GGNBP2: variants seen among roughly 807,000 people sequenced by gnomAD.
GGNBP2 encodes the protein gametogenetin-binding protein 2.
GGNBP2 carries 10 observed loss-of-function variants against 85.9 expected under a neutral mutation model. The ratio of observed to expected loss-of-function variants is 0.12; its 90% CI spans 0.07 to 0.20. The LOEUF (loss-of-function observed/expected upper bound fraction) is 0.20, where lower values mean the gene tolerates loss of function less well. Ranked by LOEUF, GGNBP2 falls within the 10% of genes least tolerant of loss-of-function variation. The pLI, the probability that GGNBP2 is intolerant of heterozygous loss-of-function variation, is 1.00. For synonymous variants in GGNBP2, 287 were observed against 285.7 expected (o/e 1.00, Z -0.05); for missense variants, 595 against 857.8 (o/e 0.69, Z 3.83).
intron 6 of GGNBP2, chr17:36,574,771 A>C: frequency 1.6e-6 from 1 of 642,558 alleles, no homozygotes; most frequent in Non-Finnish European, 2.8e-6. Context: ...GCACCAGCAC[A>C]GAGCCGTGGT....
At chr17:36,588,604 AT>A (rs751567731) in intron 13 of GGNBP2, among the ~76,000 whole-genome samples, 25 of 144,850 alleles carry the variant, frequency 1.7e-4, no homozygotes, top group East Asian at 4.1e-4. Context: ...ATATTTATTT[AT>A]TTTTTTTTTT....
chr17:36,581,555 T>C lies in GGNBP2; in HGVS notation c.1215+17T>C, dbSNP rs1392714759. ...CAAGAGAAGGTAATATTTCTTAATA[T>C]CAACTCTTAAGTGTGTATGTATTGC... On this transcript the variant is annotated intron_variant, in intron 9 of 13. Transcript: ENST00000613102. 6.4e-7 allele frequency: 1 copy of C among 1,572,040 alleles called. No individual in the cohort carries two copies. The highest frequency in any genetic ancestry group is 8.7e-7 in the Non-Finnish European group (1 of 1,146,176).
At chr17:36,570,068 A>G (rs769440771) in intron 6 of GGNBP2, among the ~76,000 whole-genome samples, 3 of 152,144 alleles carry the variant, frequency 2.0e-5, no homozygotes, top group Non-Finnish European at 2.9e-5. Context: ...TCTGTGCCTC[A>G]ATTTTTGTCT....
At chr17:36,581,910 C>T (rs2074654705) in intron 9 of GGNBP2, 2 of 153,164 alleles carry the variant, frequency 1.3e-5, no homozygotes, top group African/African-American at 4.8e-5. Context: ...CAGGGTCTCA[C>T]TCTGTCACCC....
chr17:36,583,445 G>T (rs1292984246), intron 9 of GGNBP2, among the ~76,000 whole-genome samples: 1 of 152,016 alleles, frequency 6.6e-6, no homozygotes, highest in Non-Finnish European at 1.5e-5. Context: ...GTCTCACACA[G>T]ATATTATATG....
intron 5 of GGNBP2, among the ~76,000 whole-genome samples, chr17:36,562,630 T>C (rs2074428707): frequency 1.3e-5 from 2 of 151,384 alleles, no homozygotes. Flanking sequence ...GTTAATAATC[T>C]ATTAAGTTTT....
At chr17:36,561,659 T>C in intron 5 of GGNBP2, among the ~76,000 whole-genome samples, 1 of 152,180 alleles carries the variant, frequency 6.6e-6, no homozygotes, top group East Asian at 1.9e-4. Flanking sequence ...GAGTCTCCTC[T>C]GTCGCCCAGG....
intron 5 of GGNBP2, among the ~76,000 whole-genome samples, chr17:36,565,003 T>C (rs2074454682): frequency 6.6e-6 from 1 of 152,122 alleles, no homozygotes; most frequent in Non-Finnish European, 1.5e-5. Context: ...TAAGATCACC[T>C]AAAGGGAAAG....
intron 1 of GGNBP2, 190 bp from the exon 2 acceptor site, chr17:36,545,429 G>C: frequency 2.6e-6 from 1 of 377,372 alleles, no homozygotes; most frequent in Non-Finnish European, 4.7e-6. Flanking sequence ...GCGGGAGAGA[G>C]GGAGGGAGCG....
At chr17:36,552,383 T>C (rs1023715189) in intron 2 of GGNBP2, among the ~76,000 whole-genome samples, 1 of 152,236 alleles carries the variant, frequency 6.6e-6, no homozygotes, top group Non-Finnish European at 1.5e-5. Context: ...GTAGAGCATG[T>C]TAATTAGAAT....
chr17:36,574,920 C>T lies in GGNBP2; in HGVS notation c.642-3063C>T. The T allele has an allele frequency of 7.1e-6, 7 of 986,388 alleles. No individual in the cohort carries two copies. The South Asian group carries it at 8.2e-5, about 12-fold the overall frequency. 61.1% of individuals were successfully genotyped at this position (986,388 alleles called of 1,614,324 possible). On this transcript the variant is annotated intron_variant, in intron 6 of 13. Transcript: ENST00000613102. ...GTGGCCACCTCCTTGGAGCACTTAA[C>T]ACCCAGACCGATGTGGCCATTGTAG...
At chr17:36,581,570 G>A in intron 9 of GGNBP2, 32 bp downstream of exon 9, 1 of 1,507,198 alleles carries the variant, frequency 6.6e-7, no homozygotes, top group Non-Finnish European at 9.1e-7. Context: ...TCTTAAGTGT[G>A]TATGTATTGC....
At chr17:36,550,652 A>C (rs1270287338) in intron 2 of GGNBP2, among the ~76,000 whole-genome samples, 3 of 152,232 alleles carry the variant, frequency 2.0e-5, no homozygotes, top group African/African-American at 7.2e-5. Flanking sequence ...CAGAACAGAT[A>C]CTTAAGAGTG....
intron 13 of GGNBP2, among the ~76,000 whole-genome samples, chr17:36,588,557 GT>G (rs889191164): frequency 2.0e-5 from 3 of 151,034 alleles, no homozygotes; most frequent in African/African-American, 7.3e-5. Context: ...CGCCCAGCTA[GT>G]TTTTTTCTTT....
intron 3 of GGNBP2, among the ~76,000 whole-genome samples, chr17:36,556,672 C>G (rs1168586166): frequency 6.6e-6 from 1 of 151,266 alleles, no homozygotes; most frequent in Admixed American, 6.6e-5. Context: ...CTACTGCACT[C>G]CAGCCTGGCG....
At chr17:36,553,508 C>G (rs547595306) in intron 2 of GGNBP2, among the ~76,000 whole-genome samples, 2 of 152,290 alleles carry the variant, frequency 1.3e-5, no homozygotes, top group South Asian at 4.1e-4. Context: ...AGAAGCAGGT[C>G]TCTGGTGCTG....
At chr17:36,574,984 G>C (rs1009453635) in intron 6 of GGNBP2, 156 of 1,522,972 alleles carry the variant, frequency 1.0e-4, no homozygotes, top group Non-Finnish European at 1.3e-4. Context: ...TGGTGCGCTG[G>C]CCGGCACGGG....
Position 36,545,776 on chromosome 17 carries a change from G to C in GGNBP2, c.52G>C (p.Glu18Gln). 1 of 1,582,350 alleles carries C rather than the reference G, an allele frequency of 6.3e-7. No homozygotes were observed. The highest frequency in any genetic ancestry group is 1.2e-5 in the South Asian group (1 of 86,732). The change falls in exon 2 of 14, where the codon GAG (glutamate) becomes CAG (glutamine). Residue 18 changes from glutamate to glutamine, a missense_variant. By Grantham distance (29) the Glu-to-Gln change is conservative. This residue lies in a region of GGNBP2 where 216 missense variants were observed against 293.4 expected (regional missense o/e 0.74). Coordinates refer to ENST00000613102, the MANE Select transcript of GGNBP2 (RefSeq NM_024835.5). ...GGACGGGGAGGAGGAGTTCCCCTTC[G>C]AGAGGAGGCAGATTCCCCTCTACAT... ...CRDGEEEFPFERRQIPLYIDD... is the reference protein window; with the variant it reads ...CRDGEEEFPFQRRQIPLYIDD...
At chr17:36,588,644 AGATAGAGTGCAGT>A (rs1419862781) in intron 13 of GGNBP2, among the ~76,000 whole-genome samples, 4 of 149,644 alleles carry the variant, frequency 2.7e-5, no homozygotes, top group Non-Finnish European at 4.4e-5. Context: ...CGCCCAGGCT[AGATAGAGTGCAGT>A]GGCACGATCT....
Sources: allele counts gnomAD v4.1 joint callset (sites outside exome capture counted in the v4.1 genomes callset), GRCh38; gene constraint gnomAD v4.1.1; regional missense constraint gnomAD v4.1.1; transcripts MANE v1.5; gene names NCBI Gene and HGNC (gene_info 2026-07-23, HGNC 2026-07-21).